Variants in ZNF573 observed in about 807,000 individuals in gnomAD.
The protein encoded by ZNF573 is zinc finger protein 573.
ZNF573 carries 41 observed loss-of-function variants against 57.4 expected under a neutral mutation model. The ratio of observed to expected loss-of-function variants is 0.71; its 90% CI spans 0.56 to 0.93. ZNF573 has a LOEUF of 0.93. ZNF573 is among the 40% of genes least tolerant of loss of function. ZNF573 has a pLI of 0.00. For synonymous variants in ZNF573, 249 were observed against 261.0 expected (o/e 0.95, Z 0.44); for missense variants, 730 against 794.8 (o/e 0.92, Z 0.98).
chr19:37,759,754 T>TAAAA (rs1177945715), intron 4 of ZNF573, among the ~76,000 whole-genome samples: 1 of 151,906 alleles, frequency 6.6e-6, no homozygotes, highest in Non-Finnish European at 1.5e-5. Flanking sequence ...AATAAATAAA[T>TAAAA]AAAAATGAAA....
intron 3 of ZNF573, among the ~76,000 whole-genome samples, chr19:37,770,886 C>T (rs549082511): frequency 2.0e-5 from 2 of 99,394 alleles, no homozygotes; most frequent in South Asian, 6.6e-4. Context: ...CCCCTCCCTT[C>T]CAAAGAGTGG....
At chr19:37,765,624 C>T (rs1216724952) in intron 4 of ZNF573, among the ~76,000 whole-genome samples, 1 of 151,096 alleles carries the variant, frequency 6.6e-6, no homozygotes, top group African/African-American at 2.4e-5. Flanking sequence ...GCAGGAGAAT[C>T]GCTTGAACCT....
rs775082116 is a variant in ZNF573, at chr19:37,739,795, T to G, written c.695A>C (p.His232Pro). 1.2e-6 allele frequency: 2 copies of G among 1,613,804 alleles called. No homozygotes were observed. The highest frequency in any genetic ancestry group is 1.7e-5 in the Admixed American group (1 of 60,000). The change falls in exon 5 of 5, where the codon CAC becomes CCC. Residue 232 changes from histidine to proline, a missense_variant. By Grantham distance (77) the His-to-Pro change is moderately conservative. Coordinates refer to ENST00000536220, the MANE Select transcript of ZNF573 (RefSeq NM_001172690.2). ...QCGKAFIYAS[H>P]IVQHERIHTG... ...GTGAATTCTCTCATGTTGAACAATG[T>G]GTGAGGCATATATAAAGGCCTTCCC...
chr19:37,757,186 T>C (rs1249726469), intron 4 of ZNF573, among the ~76,000 whole-genome samples: 1 of 151,612 alleles, frequency 6.6e-6, no homozygotes. Flanking sequence ...AAAATTATTA[T>C]TGTTGTTATT....
At chr19:37,771,845 A>T (rs2045662298) in intron 2 of ZNF573, 149 bp from the exon 3 acceptor site, 2 of 725,768 alleles carry the variant, frequency 2.8e-6, no homozygotes, top group South Asian at 4.3e-5. Flanking sequence ...ATATTCCTAA[A>T]GGATCCTATT....
intron 1 of ZNF573, among the ~76,000 whole-genome samples, chr19:37,778,912 T>C (rs2045737625): frequency 6.6e-6 from 1 of 152,186 alleles, no homozygotes; most frequent in Non-Finnish European, 1.5e-5. Flanking sequence ...GACGAGGTTC[T>C]GAGACAGGTA....
chr19:37,763,819 T>C (rs772631641), intron 4 of ZNF573, among the ~76,000 whole-genome samples: 1 of 152,076 alleles, frequency 6.6e-6, no homozygotes, highest in Non-Finnish European at 1.5e-5. Context: ...ATCCCAACAC[T>C]TTGGGAGGCC....
chr19:37,744,640 G>A (rs1182612250), intron 4 of ZNF573, among the ~76,000 whole-genome samples: 2 of 150,914 alleles, frequency 1.3e-5, no homozygotes, highest in East Asian at 3.9e-4. Flanking sequence ...ATTCGGGAGG[G>A]CAAGGTGGGA....
At chr19:37,773,583 A>T in intron 2 of ZNF573, 78 bp downstream of exon 2, 1 of 1,141,450 alleles carries the variant, frequency 8.8e-7, no homozygotes, top group Non-Finnish European at 1.2e-6. Context: ...CTTCTTAAAT[A>T]GGAAGCCTTA....
Position 37,771,678 on chromosome 19 carries a change from A to G in ZNF573, c.88T>C (p.Phe30Leu). 3 of 1,593,208 alleles carry G rather than the reference A, an allele frequency of 1.9e-6. No homozygotes were observed. Among genetic ancestry groups the G allele is most frequent in the Non-Finnish European group, 2.6e-6 (3 of 1,174,114 alleles). ...GAGAAGTCTATGGCCACATCCCTGA[A>G]TGTCACTAATTCCTGAAACTGCAAA... Reference protein sequence around the residue: ...TMTCFQELVTFRDVAIDFSRQ... With the variant: ...TMTCFQELVTLRDVAIDFSRQ... Residue 30 changes from phenylalanine (F) to leucine (L), a missense_variant, in exon 3 of 5, where the codon TTC (phenylalanine) becomes CTC (leucine). By Grantham distance (22) the Phe-to-Leu change is conservative. Coordinates refer to ENST00000536220, the MANE Select transcript of ZNF573 (RefSeq NM_001172690.2).
In ZNF573 at chr19:37,739,131, C is replaced by T. The variant is rs752422037; in HGVS notation, c.1359G>A (p.Leu453=). 5 of 1,612,984 alleles carry T rather than the reference C, an allele frequency of 3.1e-6. No individual in the cohort carries two copies. Among genetic ancestry groups the T allele is most frequent in the Non-Finnish European group, 8.5e-7 (1 of 1,179,744 alleles). The change falls in exon 5 of 5, where the codon TTG becomes TTA. Residue 453 remains leucine, a synonymous_variant. Coordinates refer to ENST00000536220, the MANE Select transcript of ZNF573 (RefSeq NM_001172690.2). ...ECKECKKTFT[L]YRNLTRHQNI... ...TCTGATGTCGAGTAAGATTTCTATA[C>T]AAAGTAAAGGTTTTTTTACACTCCT...
intron 4 of ZNF573, among the ~76,000 whole-genome samples, chr19:37,752,051 T>A (rs1247349306): frequency 4.0e-5 from 6 of 151,384 alleles, no homozygotes; most frequent in Non-Finnish European, 7.4e-5. Flanking sequence ...TATAGTACAG[T>A]ATATAGACAG....
intron 2 of ZNF573, among the ~76,000 whole-genome samples, chr19:37,773,227 C>G (rs1274799307): frequency 2.6e-5 from 4 of 152,198 alleles, no homozygotes; most frequent in African/African-American, 9.7e-5. Flanking sequence ...GAGATCTCAT[C>G]ACATACTAAG....
At chr19:37,761,558 G>C (rs529065233) in intron 4 of ZNF573, among the ~76,000 whole-genome samples, 15 of 152,134 alleles carry the variant, frequency 9.9e-5, no homozygotes, top group African/African-American at 3.6e-4. Context: ...GTAAAAACTG[G>C]CCATAAAAAA....
intron 4 of ZNF573, among the ~76,000 whole-genome samples, chr19:37,768,105 T>A (rs184607936): frequency 1.7e-3 from 258 of 151,760 alleles, no homozygotes; most frequent in African/African-American, 5.0e-3. Flanking sequence ...TAAAAAAAAA[T>A]TTTTAAGTTT....
rs972171610 is a variant in ZNF573 at position 37,759,947 on chromosome 19, A to G, written c.295+10058T>C. ...ATATGTAAAATTTGGACAAGATGAA[A>G]TGGAGAAGATTATTTTTCTCAGCTT... is the stretch of plus-strand genomic sequence containing the variant. On this transcript the variant is annotated intron_variant, in intron 4 of 4. Transcript: ENST00000536220. Among the ~76,000 whole-genome samples, 5 of 152,314 alleles carry G rather than the reference A, an allele frequency of 3.3e-5. No individual in the cohort carries two copies. The East Asian group carries it at 7.7e-4, about 23-fold the overall frequency.
At chr19:37,750,851 C>T (rs2045427814) in intron 4 of ZNF573, among the ~76,000 whole-genome samples, 1 of 144,678 alleles carries the variant, frequency 6.9e-6, no homozygotes, top group Non-Finnish European at 1.5e-5. Context: ...AAAAAAAAGT[C>T]AACTGCCTTT....
chr19:37,768,928 A>C (rs1286946376), intron 4 of ZNF573, among the ~76,000 whole-genome samples: 1 of 144,912 alleles, frequency 6.9e-6, no homozygotes, highest in Admixed American at 7.0e-5. Context: ...GGCCTCCCAA[A>C]GTGCTGGGAT....
intron 4 of ZNF573, among the ~76,000 whole-genome samples, chr19:37,761,650 G>A (rs1296585394): frequency 2.0e-5 from 3 of 152,182 alleles, no homozygotes; most frequent in Admixed American, 6.5e-5. Context: ...GAAGGAATAC[G>A]TGTTCTGAGA....
Sources: allele counts gnomAD v4.1 joint callset (sites outside exome capture counted in the v4.1 genomes callset), GRCh38; gene constraint gnomAD v4.1.1; transcripts MANE v1.5; gene names NCBI Gene and HGNC (gene_info 2026-07-23, HGNC 2026-07-21).